LPCAT1: variants seen among roughly 807,000 people sequenced by gnomAD.
The protein encoded by LPCAT1 is lysophosphatidylcholine acyltransferase 1, also known as 1-acylglycerol-3-phosphate O-acyltransferase.
In LPCAT1, 23 loss-of-function variants were observed where a neutral mutation model predicts 60.9. That is an observed-to-expected ratio of 0.38 (90% CI 0.27 to 0.53). The LOEUF is 0.53. Ranked by LOEUF, LPCAT1 falls within the 20% of genes least tolerant of loss-of-function variation. LPCAT1 has a pLI of 0.82. For synonymous variants in LPCAT1, 340 were observed against 301.1 expected, an observed-to-expected ratio of 1.13 and a Z score of -1.34; for missense variants, 622 against 723.6, an observed-to-expected ratio of 0.86 and a Z score of 1.61.
chr5:1,473,776 C>T (rs534825628), intron 11 of LPCAT1, among the ~76,000 whole-genome samples, 181 bp downstream of exon 11: 7 of 152,230 alleles, frequency 4.6e-5, no homozygotes, highest in Admixed American at 3.3e-4. Flanking sequence ...CAAATGTGTA[C>T]GCGTATTTAA....
chr5:1,473,659 T>C (rs550932268), intron 11 of LPCAT1, among the ~76,000 whole-genome samples: 1 of 152,214 alleles, frequency 6.6e-6, no homozygotes, highest in Non-Finnish European at 1.5e-5. Flanking sequence ...GGGGGTCCCT[T>C]GGAGACCCCA....
chr5:1,507,660 C>G (rs956943142), intron 1 of LPCAT1, among the ~76,000 whole-genome samples: 1 of 152,210 alleles, frequency 6.6e-6, no homozygotes, highest in Non-Finnish European at 1.5e-5. Context: ...CCCAGGAGCA[C>G]GGCGCGGCCC....
intron 11 of LPCAT1, among the ~76,000 whole-genome samples, 179 bp downstream of exon 11, chr5:1,473,778 C>T (rs985023242): frequency 1.3e-5 from 2 of 152,116 alleles, no homozygotes; most frequent in Admixed American, 6.5e-5. Context: ...AATGTGTACG[C>T]GTATTTAAAA....
chr5:1,500,665 C>A (rs957961665), intron 2 of LPCAT1, among the ~76,000 whole-genome samples: 24 of 152,120 alleles, frequency 1.6e-4, no homozygotes, highest in African/African-American at 5.6e-4. Context: ...GGGAGCAGGC[C>A]CACTGGCCGG....
intron 1 of LPCAT1, among the ~76,000 whole-genome samples, chr5:1,511,769 G>C (rs1736363359): frequency 6.6e-6 from 1 of 152,200 alleles, no homozygotes. Context: ...GGTTGGCCAG[G>C]AACCGAGCCC....
chr5:1,480,902 GAAC>G lies in LPCAT1; in HGVS notation c.761+37_761+39del. 1.2e-6 allele frequency: 2 copies of G among 1,613,112 alleles called. No homozygotes were observed. Among genetic ancestry groups the G allele is most frequent in the Non-Finnish European group, 1.7e-6 (2 of 1,179,392 alleles). On this transcript the variant is annotated intron_variant, in intron 7 of 13. Transcript: ENST00000283415. The surrounding 1 kb of genome is among the most constrained non-coding windows in gnomAD (Gnocchi z 6.4). ...CCCAAGCAGCCCCTACGTGTTCATG[GAAC>G]AACAGGACAAAGAGGACGACACGGC... is the stretch of plus-strand genomic sequence containing the variant.
chr5:1,485,167 AACTC>A (rs1007928423), intron 5 of LPCAT1, among the ~76,000 whole-genome samples: 1 of 152,144 alleles, frequency 6.6e-6, no homozygotes, highest in African/African-American at 2.4e-5. Context: ...ACATCACTGA[AACTC>A]AGTAAGAATC....
chr5:1,494,962 G>A (rs752237234), intron 2 of LPCAT1, 48 bp from the exon 3 acceptor site: 5 of 1,510,022 alleles, frequency 3.3e-6, no homozygotes, highest in Non-Finnish European at 4.5e-6. Context: ...CGCAGTCTCG[G>A]AGTCTGTGTG....
intron 1 of LPCAT1, among the ~76,000 whole-genome samples, chr5:1,511,730 C>A (rs1348675560): frequency 6.6e-6 from 1 of 152,182 alleles, no homozygotes; most frequent in Non-Finnish European, 1.5e-5. Flanking sequence ...CCAGGGAATC[C>A]CTGAGTGGGA....
At position 1,495,025 on chromosome 5, in the gene LPCAT1, G is replaced by A. The variant is rs1735734396; in HGVS notation, c.279-111C>T. The A allele has an allele frequency of 5.9e-6, 6 of 1,009,052 alleles. No homozygotes were observed. Among genetic ancestry groups the A allele is most frequent in the African/African-American group, 1.6e-5 (1 of 61,780 alleles). 62.5% of individuals were successfully genotyped at this position (1,009,052 alleles called of 1,614,324 possible). On this transcript the variant is annotated intron_variant, in intron 2 of 13. Coordinates refer to ENST00000283415, the MANE Select transcript of LPCAT1 (RefSeq NM_024830.5). The surrounding 1 kb of genome is among the most constrained non-coding windows in gnomAD (Gnocchi z 4.7). Reference sequence around the variant, plus strand: ...CCCTCCAGGGCGCAGTCCAGGCCACGGGCTTCCTGTGGTCGCCGCCGCTGG... The same window carrying A: ...CCCTCCAGGGCGCAGTCCAGGCCACAGGCTTCCTGTGGTCGCCGCCGCTGG...
intron 5 of LPCAT1, among the ~76,000 whole-genome samples, chr5:1,486,161 G>C (rs1307958184): frequency 6.6e-6 from 1 of 152,192 alleles, no homozygotes; most frequent in Non-Finnish European, 1.5e-5. Context: ...GCCCCACATG[G>C]GCCTGTTTCA....
intron 1 of LPCAT1, among the ~76,000 whole-genome samples, chr5:1,506,301 T>C (rs1209429824): frequency 6.6e-6 from 1 of 152,246 alleles, no homozygotes; most frequent in Non-Finnish European, 1.5e-5. Flanking sequence ...GCTCTGGGCC[T>C]GTGCGCTCTT....
In LPCAT1 at chr5:1,477,978, C is replaced by G. The variant is rs1446265800; in HGVS notation, c.817-492G>C. 6.6e-6 allele frequency among the ~76,000 whole-genome samples: 1 copy of G among 152,154 alleles called. No individual in the cohort carries two copies. Among genetic ancestry groups the G allele is most frequent in the Non-Finnish European group, 1.5e-5 (1 of 68,004 alleles). Reference sequence around the variant, plus strand: ...TGATCTACACTCACCCCCGTCAGTGCTCCTAGGAGCTCCTGCTGCCTACAT... The same window carrying G: ...TGATCTACACTCACCCCCGTCAGTGGTCCTAGGAGCTCCTGCTGCCTACAT... On this transcript the variant is annotated intron_variant, in intron 8 of 13. Transcript: ENST00000283415. The surrounding 1 kb of genome is among the most constrained non-coding windows in gnomAD (Gnocchi z 6.0).
intron 13 of LPCAT1, among the ~76,000 whole-genome samples, chr5:1,465,295 AAC>A (rs1160022942): frequency 1.4e-4 from 15 of 106,002 alleles, no homozygotes; most frequent in African/African-American, 3.4e-4. Context: ...CACGGTACTA[AAC>A]ACATGTGCGC....
chr5:1,466,317 G>A (rs545677377), intron 13 of LPCAT1, among the ~76,000 whole-genome samples: 2 of 152,194 alleles, frequency 1.3e-5, no homozygotes, highest in African/African-American at 2.4e-5. Flanking sequence ...TGGGCGGCAC[G>A]GGGGTCTGCA....
chr5:1,497,220 A>G (rs1735827609), intron 2 of LPCAT1, among the ~76,000 whole-genome samples: 1 of 152,274 alleles, frequency 6.6e-6, no homozygotes, highest in South Asian at 2.1e-4. Flanking sequence ...TGTGGAGACA[A>G]GCAACTCACA....
intron 1 of LPCAT1, among the ~76,000 whole-genome samples, chr5:1,508,217 G>T (rs533083335): frequency 6.6e-6 from 1 of 152,180 alleles, no homozygotes; most frequent in Non-Finnish European, 1.5e-5. Context: ...ACGTGACCCC[G>T]GCCTGGCCAC....
At position 1,487,255 on chromosome 5, in the gene LPCAT1, C is replaced by G. The variant is rs1312682752; in HGVS notation, c.667+1136G>C. Among the ~76,000 whole-genome samples, 1 of 152,210 alleles carries G rather than the reference C, an allele frequency of 6.6e-6. No homozygotes were observed. The highest frequency in any genetic ancestry group is 2.4e-5 in the African/African-American group (1 of 41,460). On this transcript the variant is annotated intron_variant, in intron 5 of 13. Transcript: ENST00000283415. The surrounding 1 kb of genome is among the most constrained non-coding windows in gnomAD (Gnocchi z 6.1). ...TCACCAAGGTTGCCCACAGGCCACG[C>G]CCAGGCACGGACCCAGTGTGGTGGG...
chr5:1,509,786 T>C (rs1367066560), intron 1 of LPCAT1, among the ~76,000 whole-genome samples: 1 of 152,162 alleles, frequency 6.6e-6, no homozygotes, highest in Non-Finnish European at 1.5e-5. Context: ...TAGTTAACGA[T>C]ACTAAAAGCA....
Sources: gnomAD v4.1 joint callset for allele counts (sites outside exome capture counted in the v4.1 genomes callset) on GRCh38, gnomAD v4.1.1 for gene constraint, Gnocchi (gnomAD v3.1) non-coding constraint, MANE v1.5 for transcripts, NCBI Gene and HGNC (gene_info 2026-07-23, HGNC 2026-07-21) for gene names.